The following NHSL2 variants were observed in gnomAD, a reference collection of about 807,000 sequenced individuals.
The protein encoded by NHSL2 is NHS like 2.
A neutral mutation model predicts 53.4 loss-of-function variants in NHSL2; 27 were observed. The observed-to-expected ratio is 0.51, with a 90% CI of 0.37 to 0.70. The LOEUF is 0.70. NHSL2 is among the 30% of genes least tolerant of loss of function. The pLI, the probability that NHSL2 is intolerant of heterozygous loss-of-function variation, is 0.00. For missense variants in NHSL2, 892 were observed against 980.1 expected, an observed-to-expected ratio of 0.91 and a Z score of 1.20; for synonymous variants, 408 against 404.1, an observed-to-expected ratio of 1.01 and a Z score of -0.12.
intron 1 of NHSL2, among the ~76,000 whole-genome samples, chrX:72,006,181 GTC>G (rs945789003): frequency 8.0e-5 from 9 of 111,956 alleles, no homozygotes; most frequent in African/African-American, 2.9e-4. Flanking sequence ...TCTGCTTTTG[GTC>G]TCTCTGCCTG....
chrX:72,066,533 GGACATGGGACACGA>G (rs2042430688), intron 1 of NHSL2, among the ~76,000 whole-genome samples: 1 of 111,382 alleles, frequency 9.0e-6, no homozygotes, highest in Non-Finnish European at 1.9e-5. Flanking sequence ...GAGGAGGTGA[GGACATGGGACACGA>G]GATATAGGCT....
intron 1 of NHSL2, among the ~76,000 whole-genome samples, chrX:72,033,025 A>G (rs962815148): frequency 9.0e-6 from 1 of 111,392 alleles, no homozygotes; most frequent in Non-Finnish European, 1.9e-5. Flanking sequence ...AATTCCTCCA[A>G]TTATTCTCCT....
At chrX:72,011,822 GAAGT>G (rs1422487361) in intron 1 of NHSL2, among the ~76,000 whole-genome samples, 4 of 112,126 alleles carry the variant, frequency 3.6e-5, no homozygotes, top group Non-Finnish European at 7.5e-5. Context: ...CTCTAGGTGT[GAAGT>G]AATATCTCAT....
At position 71,927,701 on chromosome X, in the gene NHSL2, G is replaced by A. The variant is rs185826274; in HGVS notation, c.280+16334G>A. On this transcript the variant is annotated intron_variant, in intron 1 of 7. Transcript: ENST00000633930. ...CCTCCTGAGTAGCTAGATTACAGGC[G>A]CCTGCCACCAAGCCTGGCTAATTTT... Among the ~76,000 whole-genome samples the A allele has an allele frequency of 3.0e-3, 332 of 110,856 alleles. 2 individuals are homozygous for A. Among genetic ancestry groups the A allele is most frequent in the African/African-American group, 9.9e-3 (302 of 30,504 alleles).
Position 72,147,675 on chromosome X carries a change from T to G in NHSL2, c.*4101T>G, listed in dbSNP as rs1479429809. 1 of 112,002 alleles carries G rather than the reference T, an allele frequency of 8.9e-6. No individual in the cohort carries two copies. The highest frequency in any genetic ancestry group is 1.9e-5 in the Non-Finnish European group (1 of 53,231). The allele number at this position is 112,002 out of a possible 1,213,427, so 9.2% of individuals were successfully genotyped here. On this transcript the variant is annotated 3_prime_UTR_variant, in exon 8 of 8. Transcript: ENST00000633930. ...CAAAAGAGTGACTGAGTTGACGGTC[T>G]GTCACCAGGATCCTCCCTCTCCTCT...
At chrX:72,107,274 AT>A (rs1330550454) in intron 1 of NHSL2, among the ~76,000 whole-genome samples, 1 of 111,297 alleles carries the variant, frequency 9.0e-6, no homozygotes, top group Non-Finnish European at 1.9e-5. Flanking sequence ...ATACAAAAAA[AT>A]TAAATAAATA....
chrX:72,142,848 A>AC (rs1240264061), intron 7 of NHSL2, among the ~76,000 whole-genome samples: 1 of 112,055 alleles, frequency 8.9e-6, no homozygotes, highest in African/African-American at 3.2e-5. Context: ...CAGTTATTGG[A>AC]CAGGGTTACA....
intron 1 of NHSL2, among the ~76,000 whole-genome samples, chrX:72,071,897 A>T (rs1456090926): frequency 8.9e-6 from 1 of 112,029 alleles, no homozygotes; most frequent in Non-Finnish European, 1.9e-5. Context: ...CTCCTCTGAG[A>T]CATCTGAGCC....
chrX:72,027,980 TGCTGCTGCTGCTGCC>T (rs2042194476), intron 1 of NHSL2, among the ~76,000 whole-genome samples: 2 of 111,686 alleles, frequency 1.8e-5, no homozygotes, highest in African/African-American at 6.5e-5. Context: ...TTGAGTTTGC[TGCTGCTGCTGCTGCC>T]GCTGCTGCTG....
At chrX:72,045,358 C>T (rs1012229653) in intron 1 of NHSL2, among the ~76,000 whole-genome samples, 1 of 112,097 alleles carries the variant, frequency 8.9e-6, no homozygotes, top group African/African-American at 3.2e-5. Context: ...CAGCGTGGCT[C>T]CCCAGCTGCC....
chrX:71,989,773 A>G (rs2042019249), intron 1 of NHSL2, among the ~76,000 whole-genome samples: 1 of 112,521 alleles, frequency 8.9e-6, no homozygotes, highest in Non-Finnish European at 1.9e-5. Flanking sequence ...AGGAACCTGA[A>G]GGCAAATGAA....
intron 1 of NHSL2, among the ~76,000 whole-genome samples, chrX:71,980,174 A>G (rs2041968955): frequency 9.0e-6 from 1 of 111,245 alleles, no homozygotes; most frequent in African/African-American, 3.3e-5. Context: ...GCCTTGTAGT[A>G]TAGTTTGAAG....
chrX:72,057,961 C>G (rs997869238), intron 1 of NHSL2, among the ~76,000 whole-genome samples: 1 of 112,250 alleles, frequency 8.9e-6, no homozygotes, highest in African/African-American at 3.2e-5. Context: ...AAATCTCAAG[C>G]CTGGAGTTGA....
intron 1 of NHSL2, among the ~76,000 whole-genome samples, chrX:71,977,906 C>T (rs2041955868): frequency 9.0e-6 from 1 of 111,489 alleles, no homozygotes; most frequent in Non-Finnish European, 1.9e-5. Flanking sequence ...TTACATACTG[C>T]TTGCATTTGT....
At chrX:71,987,411 TC>T (rs1407382426) in intron 1 of NHSL2, among the ~76,000 whole-genome samples, 2 of 111,429 alleles carry the variant, frequency 1.8e-5, no homozygotes, top group Non-Finnish European at 3.8e-5. Flanking sequence ...GGCATGGCTG[TC>T]CATATGTCCC....
At position 72,144,451 on chromosome X, in the gene NHSL2, A is replaced by G. The variant is rs2042445835; in HGVS notation, c.*877A>G. The G allele has an allele frequency of 3.5e-6, 3 of 865,282 alleles. No homozygotes were observed. In the Admixed American group the frequency reaches 7.5e-5, roughly 22 times the overall value. The allele number at this position is 865,282 out of a possible 1,213,427, so 71.3% of individuals were successfully genotyped here. A position where few individuals can be genotyped will look rare whatever the true frequency, so the allele number is the denominator to read the frequency against. On this transcript the variant is annotated 3_prime_UTR_variant, in exon 8 of 8. Transcript: ENST00000633930. The stretch of plus-strand genomic sequence containing the variant: ...CGCCCAGCTCATGCTGCATTCTAAG[A>G]ACTCTCATTTCATTTGCATATAAAA...
chrX:72,023,831 G>A (rs1406374401), intron 1 of NHSL2, among the ~76,000 whole-genome samples: 1 of 112,007 alleles, frequency 8.9e-6, no homozygotes, highest in African/African-American at 3.3e-5. Context: ...TGGGGAGGCC[G>A]AGGCAGCAGT....
At chrX:72,085,390 A>G (rs745368269) in intron 1 of NHSL2, among the ~76,000 whole-genome samples, 5 of 112,583 alleles carry the variant, frequency 4.4e-5, no homozygotes, top group Admixed American at 9.4e-5. Context: ...TTTCAGAAAT[A>G]GATATATTCG....
chrX:71,964,043 G>GTGTATATATATATTTGTA, intron 1 of NHSL2, among the ~76,000 whole-genome samples: 2 of 53,076 alleles, frequency 3.8e-5, no homozygotes, highest in Admixed American at 5.9e-4. Context: ...ATATATATAT[G>GTGTATATATATATTTGTA]TATATATATA....
Sources: gnomAD v4.1 joint callset for allele counts (sites outside exome capture counted in the v4.1 genomes callset) on GRCh38, gnomAD v4.1.1 for gene constraint, MANE v1.5 for transcripts, NCBI Gene and HGNC (gene_info 2026-07-23, HGNC 2026-07-21) for gene names.